The following PTPRT variants were observed in gnomAD, a reference collection of about 807,000 sequenced individuals.
The protein encoded by PTPRT is protein tyrosine phosphatase receptor type T.
A neutral mutation model predicts 176.8 loss-of-function variants in PTPRT; 56 were observed. The observed-to-expected ratio is 0.32, with a 90% CI of 0.26 to 0.40. The LOEUF is 0.40. PTPRT is among the 10% of genes least tolerant of loss of function. The probability of loss-of-function intolerance (pLI) is 1.00; values close to 1 mark genes in which losing one functional copy is unlikely to be tolerated. For synonymous variants in PTPRT, 783 were observed against 739.0 expected, an observed-to-expected ratio of 1.06 and a Z score of -0.96; for missense variants, 1,540 against 1,908.2, an observed-to-expected ratio of 0.81 and a Z score of 3.60.
At chr20:42,590,927 C>T (rs1346091766) in intron 7 of PTPRT, among the ~76,000 whole-genome samples, 4 of 131,086 alleles carry the variant, frequency 3.1e-5, no homozygotes, top group Non-Finnish European at 6.6e-5. Flanking sequence ...AGAGATTTAG[C>T]GTGTGTGTGT....
chr20:42,949,052 C>T (rs2146010774), intron 1 of PTPRT, among the ~76,000 whole-genome samples: 1 of 152,324 alleles, frequency 6.6e-6, no homozygotes, highest in East Asian at 1.9e-4. Flanking sequence ...AACCCTATTA[C>T]AAATGTTGAC....
intron 1 of PTPRT, among the ~76,000 whole-genome samples, chr20:43,042,299 T>C (rs530739679): frequency 3.1e-4 from 47 of 152,310 alleles, no homozygotes; most frequent in Admixed American, 7.2e-4. Context: ...CTGCAAAGCC[T>C]GTAGGCTGCA....
intron 12 of PTPRT, among the ~76,000 whole-genome samples, chr20:42,293,626 T>A (rs1243860006): frequency 6.6e-6 from 1 of 152,220 alleles, no homozygotes; most frequent in African/African-American, 2.4e-5. Flanking sequence ...CCCAAAGTAC[T>A]TTTTCTAGCA....
At chr20:42,103,145 C>G (rs926050424) in intron 25 of PTPRT, among the ~76,000 whole-genome samples, 1 of 152,222 alleles carries the variant, frequency 6.6e-6, no homozygotes, top group African/African-American at 2.4e-5. Flanking sequence ...AGGTGTAATT[C>G]TGACACTGGT....
intron 1 of PTPRT, among the ~76,000 whole-genome samples, chr20:43,044,117 C>T (rs778602183): frequency 6.6e-6 from 1 of 152,082 alleles, no homozygotes; most frequent in Non-Finnish European, 1.5e-5. Flanking sequence ...ACAATCCAGC[C>T]GCCAGCCTGA....
chr20:42,662,989 T>C (rs922325963), intron 7 of PTPRT, among the ~76,000 whole-genome samples: 3 of 151,566 alleles, frequency 2.0e-5, no homozygotes, highest in Non-Finnish European at 2.9e-5. Flanking sequence ...TGTGTGTGTA[T>C]GTGTGTGTGT....
chr20:42,463,106 C>T (rs1337183686), intron 8 of PTPRT, among the ~76,000 whole-genome samples: 2 of 152,142 alleles, frequency 1.3e-5, no homozygotes, highest in East Asian at 1.9e-4. Flanking sequence ...TCTTTCCACC[C>T]ACCACATTAC....
At chr20:42,361,622 G>A (rs1429384039) in intron 9 of PTPRT, among the ~76,000 whole-genome samples, 2 of 152,142 alleles carry the variant, frequency 1.3e-5, no homozygotes, top group Non-Finnish European at 2.9e-5. Flanking sequence ...GTGCATGACA[G>A]TCCCTGTGTA....
At chr20:42,751,298 G>A (rs2076766269) in intron 6 of PTPRT, among the ~76,000 whole-genome samples, 1 of 152,144 alleles carries the variant, frequency 6.6e-6, no homozygotes, top group Admixed American at 6.5e-5. Context: ...AACAATACCA[G>A]GAGAGGGGTG....
intron 7 of PTPRT, among the ~76,000 whole-genome samples, chr20:42,600,634 T>C (rs1476849362): frequency 6.6e-6 from 1 of 152,136 alleles, no homozygotes; most frequent in East Asian, 1.9e-4. Flanking sequence ...CTTTTAGGGT[T>C]TCCAATGTCT....
intron 1 of PTPRT, among the ~76,000 whole-genome samples, chr20:43,186,250 C>G (rs910610892): frequency 6.6e-6 from 1 of 152,236 alleles, no homozygotes; most frequent in African/African-American, 2.4e-5. Flanking sequence ...TAGAAAGAAG[C>G]AGAGGCGGGA....
chr20:42,700,172 A>G (rs542519639), intron 6 of PTPRT, among the ~76,000 whole-genome samples: 1 of 152,300 alleles, frequency 6.6e-6, no homozygotes, highest in East Asian at 1.9e-4. Flanking sequence ...TCAGAAAATT[A>G]TCTCTGACAA....
intron 9 of PTPRT, among the ~76,000 whole-genome samples, chr20:42,431,057 T>A (rs1420034023): frequency 6.6e-6 from 1 of 152,180 alleles, no homozygotes; most frequent in Non-Finnish European, 1.5e-5. Context: ...AATACACAAA[T>A]ACTCTAAACA....
chr20:42,116,061 C>A, intron 21 of PTPRT: 1 of 725,484 alleles, frequency 1.4e-6, no homozygotes, highest in East Asian at 2.6e-5. Context: ...CGCCGCACGG[C>A]CTAGAGTGGC....
intron 1 of PTPRT, among the ~76,000 whole-genome samples, chr20:42,939,192 G>T (rs778490573): frequency 6.6e-6 from 1 of 152,212 alleles, no homozygotes; most frequent in Non-Finnish European, 1.5e-5. Flanking sequence ...GATGGCAAAT[G>T]CTTAAACATT....
chr20:43,140,458 G>A (rs1224237269), intron 1 of PTPRT, among the ~76,000 whole-genome samples: 1 of 8,984 alleles, frequency 1.1e-4, no homozygotes, highest in Middle Eastern at 0.5. Flanking sequence ...GTGTGTGTGT[G>A]TGTGTGTGTG....
intron 18 of PTPRT, among the ~76,000 whole-genome samples, chr20:42,134,470 G>A (rs953690838): frequency 6.6e-5 from 10 of 152,144 alleles, no homozygotes; most frequent in African/African-American, 2.4e-4. Flanking sequence ...AGCTGGCTGT[G>A]GCGAGGAGGG....
chr20:42,493,356 GA>G (rs1351243786), intron 7 of PTPRT, among the ~76,000 whole-genome samples: 1 of 152,072 alleles, frequency 6.6e-6, no homozygotes, highest in Admixed American at 6.6e-5. Context: ...GGAGGACTTT[GA>G]GGGGTTTTTT....
At chr20:42,270,324 T>C (rs2056910744) in intron 13 of PTPRT, 3 of 1,392,704 alleles carry the variant, frequency 2.2e-6, no homozygotes, top group Non-Finnish European at 3.0e-6. Context: ...TCCTCTCTGG[T>C]GCACCTGGCC....
Sources: allele counts gnomAD v4.1 joint callset (sites outside exome capture counted in the v4.1 genomes callset), GRCh38; gene constraint gnomAD v4.1.1; transcripts MANE v1.5; gene names NCBI Gene and HGNC (gene_info 2026-07-23, HGNC 2026-07-21).